PRKAA2: variants seen among roughly 807,000 people sequenced by gnomAD.
PRKAA2 encodes 5'-AMP-activated protein kinase catalytic subunit alpha-2.
Under a neutral mutation model 56.3 loss-of-function variants are expected in PRKAA2, and 40 were observed. The observed-to-expected ratio is 0.71, with a 90% CI of 0.55 to 0.92. The LOEUF is 0.92. PRKAA2 is among the 40% of genes least tolerant of loss of function. PRKAA2 has a pLI of 0.00. For missense variants in PRKAA2, 542 were observed against 686.9 expected (o/e 0.79, Z 2.36); for synonymous variants, 214 against 234.2 (o/e 0.91, Z 0.79).
Position 56,707,546 on chromosome 1 carries a change from C to G in PRKAA2, c.1492C>G (p.Pro498Ala), listed in dbSNP as rs553841842. ...RSCSAAGLHR[P>A]RSSFDSTTAE... The stretch of plus-strand genomic sequence containing the variant: ...CTGTTCTGCTGCTGGCTTACACAGA[C>G]CAAGATCAAGTTTTGATTCCACAAC... Residue 498 changes from proline (P) to alanine (A), a missense_variant, in exon 9 of 9, where the codon CCA becomes GCA. Physicochemically the swap from Pro to Ala is conservative, Grantham distance 27. Transcript: ENST00000371244. 1 of 1,614,138 alleles carries G rather than the reference C, an allele frequency of 6.2e-7. No homozygotes were observed. The highest frequency in any genetic ancestry group is 1.7e-5 in the Admixed American group (1 of 60,006).
chr1:56,675,317 C>G (rs1644105443), intron 2 of PRKAA2, among the ~76,000 whole-genome samples: 1 of 148,348 alleles, frequency 6.7e-6, no homozygotes. Flanking sequence ...TATTGAGTAC[C>G]TGATAGTGGT....
Position 56,674,470 on chromosome 1 carries a change from A to C in PRKAA2, c.184A>C (p.Lys62Gln), listed in dbSNP as rs1284409982. The change falls in exon 2 of 9, where the codon AAA becomes CAA. Residue 62 changes from lysine to glutamine, a missense_variant. Physicochemically the swap from Lys to Gln is moderately conservative, Grantham distance 53. Transcript: ENST00000371244. ...CAGTTTAGATGTTGTTGGAAAAATA[A>C]AACGAGAAATTCAAAATCTAAAACT... ...IRSLDVVGKI[K>Q]REIQNLKLFR... 1.9e-6 allele frequency: 3 copies of C among 1,575,596 alleles called. No homozygotes were observed.
At chr1:56,658,662 A>C (rs1415716790) in intron 1 of PRKAA2, among the ~76,000 whole-genome samples, 6 of 136,840 alleles carry the variant, frequency 4.4e-5, no homozygotes. Flanking sequence ...CCCAGGCTGG[A>C]GTATAGTGGC....
chr1:56,676,689 G>C (rs72668306), intron 2 of PRKAA2, among the ~76,000 whole-genome samples: 3,688 of 152,284 alleles, frequency 0.024, 91 homozygotes, highest in East Asian at 0.11. Flanking sequence ...TTATTGTTGA[G>C]ATTTGGAACA....
chr1:56,664,079 CA>C lies in PRKAA2; in HGVS notation c.95-10301del, dbSNP rs1245838271. ...CATCACTGCCTTCCAGCCTGGGCAA[CA>C]GAGTGAGACCCTGCCTCAACACAAA... On this transcript the variant is annotated intron_variant, in intron 1 of 8. Transcript: ENST00000371244. Among the ~76,000 whole-genome samples the C allele has an allele frequency of 3.9e-5, 6 of 152,286 alleles. No homozygotes were observed. In the East Asian group the frequency reaches 1.2e-3, roughly 29 times the overall value.
intron 1 of PRKAA2, among the ~76,000 whole-genome samples, chr1:56,655,280 A>ATATATATATATATT: frequency 9.6e-5 from 9 of 93,654 alleles, no homozygotes; most frequent in East Asian, 9.4e-4. Context: ...ATATATATAT[A>ATATATATATATATT]TTTTTTTTTT....
At chr1:56,680,713 A>G (rs1435010145) in intron 2 of PRKAA2, among the ~76,000 whole-genome samples, 2 of 152,186 alleles carry the variant, frequency 1.3e-5, no homozygotes, top group East Asian at 1.9e-4. Flanking sequence ...GCTGCATAGT[A>G]TTCCATGGTG....
In PRKAA2 at chr1:56,707,791, A is replaced by G. The variant is rs935110860; in HGVS notation, c.*78A>G. 3 of 1,273,092 alleles carry G rather than the reference A, an allele frequency of 2.4e-6. No individual in the cohort carries two copies. The highest frequency in any genetic ancestry group is 2.8e-5 in the South Asian group (2 of 72,516). The allele number at this position is 1,273,092 out of a possible 1,614,324, so 78.9% of individuals were successfully genotyped here. ...TAAATTTTTATCTTACTTTTGGATAATATCCACTGCAATACTAATTGAGAA... is the reference window on the plus strand; with the variant it reads ...TAAATTTTTATCTTACTTTTGGATAGTATCCACTGCAATACTAATTGAGAA... On this transcript the variant is annotated 3_prime_UTR_variant, in exon 9 of 9. Transcript: ENST00000371244.
At chr1:56,700,357 ACT>A (rs1042089177) in intron 6 of PRKAA2, among the ~76,000 whole-genome samples, 16 of 152,118 alleles carry the variant, frequency 1.1e-4, no homozygotes, top group African/African-American at 3.1e-4. Context: ...GGCAGTTGTA[ACT>A]CTGCCTTAGC....
chr1:56,647,041 G>C (rs752596629), intron 1 of PRKAA2, among the ~76,000 whole-genome samples: 1 of 152,190 alleles, frequency 6.6e-6, no homozygotes, highest in Admixed American at 6.5e-5. Flanking sequence ...GAGGTTGGCA[G>C]TTTTCAATAA....
chr1:56,692,028 A>ATTTTTTTTT (rs397863487), intron 3 of PRKAA2, among the ~76,000 whole-genome samples: 1 of 112,804 alleles, frequency 8.9e-6, no homozygotes, highest in Non-Finnish European at 1.8e-5. Flanking sequence ...GATGTCTCAG[A>ATTTTTTTTT]TTTTTTTTTT....
At chr1:56,675,596 T>A (rs2100406108) in intron 2 of PRKAA2, among the ~76,000 whole-genome samples, 1 of 152,278 alleles carries the variant, frequency 6.6e-6, no homozygotes, top group South Asian at 2.1e-4. Flanking sequence ...AACTGAGAGT[T>A]ATATAAATTC....
At chr1:56,681,705 A>G (rs1644156337) in intron 2 of PRKAA2, among the ~76,000 whole-genome samples, 1 of 151,990 alleles carries the variant, frequency 6.6e-6, no homozygotes, top group South Asian at 2.1e-4. Context: ...GCTCTGTTCC[A>G]TTGGTCTATA....
Position 56,704,331 on chromosome 1 carries a change from A to G in PRKAA2, c.1149A>G (p.Pro383=), listed in dbSNP as rs55792669. Residue 383 remains proline, a synonymous_variant, in exon 7 of 9, where the codon CCA becomes CCG. Transcript: ENST00000371244. Reference sequence around the variant, plus strand: ...CAGACAGCCCCAAAGCAAGATGTCCATTGGATGCACTGAATACGACTAAGC... The same window carrying G: ...CAGACAGCCCCAAAGCAAGATGTCCGTTGGATGCACTGAATACGACTAAGC... The part of the protein sequence containing the change: ...LIADSPKARC[P]LDALNTTKPK... 15 of 1,614,180 alleles carry G rather than the reference A, an allele frequency of 9.3e-6. No homozygotes were observed. The East Asian group carries it at 3.1e-4, about 34-fold the overall frequency.
chr1:56,683,670 TAGAC>T (rs1182600299), intron 2 of PRKAA2, among the ~76,000 whole-genome samples: 3 of 152,084 alleles, frequency 2.0e-5, no homozygotes, highest in East Asian at 3.9e-4. Context: ...TGTCATATGT[TAGAC>T]AGTGAAGAGG....
In PRKAA2 at chr1:56,655,280, A is replaced by ATATATGTATAT; in HGVS notation, c.94+9800_94+9801insATATGTATATT. 4.3e-5 allele frequency among the ~76,000 whole-genome samples: 4 copies of ATATATGTATAT among 93,680 alleles called. 1 individual carries two copies. Among genetic ancestry groups the ATATATGTATAT allele is most frequent in the Non-Finnish European group, 5.8e-5 (3 of 51,846 alleles). 61.5% of individuals were successfully genotyped at this position (93,680 alleles called of 152,430 possible). ...TGTATTTATATATCTATATATATAT[A>ATATATGTATAT]TTTTTTTTTTTTTTTTGTAGAGACA... is the stretch of plus-strand genomic sequence containing the variant. On this transcript the variant is annotated intron_variant, in intron 1 of 8. Transcript: ENST00000371244.
rs145017658 is a variant in PRKAA2, at chr1:56,649,784, T to A, written c.94+4303T>A. ...GTCCCACCATGCCCAACTTTGACTG[T>A]TATGCTAATTATAGATTTAGAAATT... On this transcript the variant is annotated intron_variant, in intron 1 of 8. Transcript: ENST00000371244. Among the ~76,000 whole-genome samples, 99 of 152,236 alleles carry A rather than the reference T, an allele frequency of 6.5e-4. No individual in the cohort carries two copies. The East Asian group carries it at 0.017, about 26-fold the overall frequency.
chr1:56,687,853 T>G (rs1644202450), intron 2 of PRKAA2, among the ~76,000 whole-genome samples: 1 of 152,192 alleles, frequency 6.6e-6, no homozygotes, highest in Admixed American at 6.5e-5. Context: ...CATATACTAT[T>G]TTATGTGGCT....
At position 56,645,375 on chromosome 1, in the gene PRKAA2, G is replaced by A. The variant is rs767950700; in HGVS notation, c.-13G>A. 3 of 1,462,646 alleles carry A rather than the reference G, an allele frequency of 2.1e-6. No homozygotes were observed. The highest frequency in any genetic ancestry group is 1.2e-5 in the South Asian group (1 of 80,086). 90.6% of individuals were successfully genotyped at this position (1,462,646 alleles called of 1,614,324 possible). ...GAGCGGCAGGCGGTGGAGCGAGGCC[G>A]CGCGCGCCGAAGATGGCTGAGAAGC... On this transcript the variant is annotated 5_prime_UTR_variant, in exon 1 of 9. Transcript: ENST00000371244.
Sources: gnomAD v4.1 joint callset for allele counts (sites outside exome capture counted in the v4.1 genomes callset) on GRCh38, gnomAD v4.1.1 for gene constraint, MANE v1.5 for transcripts, NCBI Gene and HGNC (gene_info 2026-07-23, HGNC 2026-07-21) for gene names.